The following IFT172 variants were observed in gnomAD, a reference collection of about 807,000 sequenced individuals.
IFT172 encodes intraflagellar transport 172.
IFT172 carries 164 observed loss-of-function variants against 248.9 expected under a neutral mutation model. The ratio of observed to expected loss-of-function variants is 0.66; its 90% CI spans 0.58 to 0.75. The LOEUF is 0.75. Among genes scored for constraint, IFT172 ranks in the 30% least tolerant of loss-of-function variants. The pLI is 0.00. For synonymous variants in IFT172, 729 were observed against 791.6 expected (o/e 0.92, Z 1.33); for missense variants, 1,950 against 2,192.4 (o/e 0.89, Z 2.21).
rs1404950371 is a variant in IFT172 at position 27,461,823 on chromosome 2, T to G, written c.2129A>C (p.Glu710Ala). 1.2e-6 allele frequency: 2 copies of G among 1,614,090 alleles called. No homozygotes were observed. The highest frequency in any genetic ancestry group is 8.5e-7 in the Non-Finnish European group (1 of 1,180,016). The change falls in exon 21 of 48, where the codon GAG (glutamate) becomes GCG (alanine). Residue 710 changes from glutamate (E) to alanine (A), a missense_variant. Transcript: ENST00000260570. ...TAGCTCCTGGTACATGCCCATGGCC[T>G]CCTCCACAGCATTCTAGGGGAAACA... ...MIFLEQNAVE[E>A]AMGMYQELHR...
chr2:27,459,675 C>T, intron 24 of IFT172, 34 bp downstream of exon 24: 1 of 1,610,330 alleles, frequency 6.2e-7, no homozygotes, highest in Middle Eastern at 1.7e-4. Flanking sequence ...TCACTTCACA[C>T]CTAAATCTCC....
intron 16 of IFT172, among the ~76,000 whole-genome samples, chr2:27,467,670 G>A (rs1047908491): frequency 1.4e-5 from 2 of 141,112 alleles, no homozygotes; most frequent in African/African-American, 5.3e-5. Context: ...GGAGCAGGAA[G>A]AAAGAAACTA....
chr2:27,477,612 T>C lies in IFT172; in HGVS notation c.1168A>G (p.Ile390Val), dbSNP rs140989917. The change falls in exon 12 of 48, where the codon ATA becomes GTA. Residue 390 changes from isoleucine to valine, a missense_variant and splice_region_variant. Coordinates refer to ENST00000260570, the MANE Select transcript of IFT172 (RefSeq NM_015662.3). ...TTGCCACCAGATCCTTGCCAGGCTA[T>C]CTGTAACGGGAGAAGACTTAAGAAG... Reference protein sequence around the residue: ...GDLNTNRLSEIAWQGSGGNEK... With the variant: ...GDLNTNRLSEVAWQGSGGNEK... 1.9e-6 allele frequency: 3 copies of C among 1,604,676 alleles called. No individual in the cohort carries two copies. The highest frequency in any genetic ancestry group is 2.6e-6 in the Non-Finnish European group (3 of 1,171,346).
intron 41 of IFT172, 82 bp from the exon 42 acceptor site, chr2:27,447,716 C>T: frequency 6.2e-7 from 1 of 1,609,204 alleles, no homozygotes; most frequent in Non-Finnish European, 8.5e-7. Flanking sequence ...AGCCACCTGG[C>T]AGAGGAAGGT....
chr2:27,449,180 T>C, intron 39 of IFT172, 114 bp downstream of exon 39: 1 of 1,346,378 alleles, frequency 7.4e-7, no homozygotes, highest in African/African-American at 1.4e-5. Context: ...CTGATGCCCA[T>C]TAGAAATCTT....
chr2:27,477,147 G>A, intron 13 of IFT172, 70 bp downstream of exon 13: 1 of 1,341,494 alleles, frequency 7.5e-7, no homozygotes, highest in Non-Finnish European at 1.1e-6. Flanking sequence ...TTAACTGGAG[G>A]ACACAGAATT....
chr2:27,447,440 G>A lies in IFT172; in HGVS notation c.4659+75C>T, dbSNP rs11126999. ...GAGCCCAAGCTGAAGAATCCAGAAC[G>A]TGAATCAATTCAGCTTTATACATTT... On this transcript the variant is annotated intron_variant, in intron 42 of 47. Transcript: ENST00000260570. 0.38 allele frequency: 592,993 copies of A among 1,551,180 alleles called. 116,260 individuals carry two copies. The highest frequency in any genetic ancestry group is 0.51 in the Admixed American group (27,765 of 54,622).
intron 13 of IFT172, 179 bp downstream of exon 13, chr2:27,477,038 T>C: frequency 3.0e-6 from 2 of 658,596 alleles, no homozygotes; most frequent in East Asian, 2.6e-5. Flanking sequence ...TTGCCCAGGC[T>C]GGTCTTGAAC....
intron 8 of IFT172, among the ~76,000 whole-genome samples, chr2:27,480,451 A>G (rs1226919660): frequency 6.6e-6 from 1 of 152,170 alleles, no homozygotes; most frequent in Non-Finnish European, 1.5e-5. Context: ...AAATGGTAGG[A>G]GTCAGTGAAG....
chr2:27,461,236 G>T, intron 22 of IFT172, 33 bp downstream of exon 22: 1 of 1,613,052 alleles, frequency 6.2e-7, no homozygotes, highest in South Asian at 1.1e-5. Flanking sequence ...CTGAGCTCTG[G>T]AGATAAGGGC....
Position 27,485,118 on chromosome 2 carries a change from T to A in IFT172, c.196A>T (p.Ser66Cys), listed in dbSNP as rs777925178. Residue 66 changes from serine to cysteine, a missense_variant, in exon 3 of 48, where the codon AGC becomes TGC. Physicochemically the swap from Ser to Cys is moderately radical, Grantham distance 112 (BLOSUM62 -1). Transcript: ENST00000260570. ...AAAGCCATGCCCTTCACCATATAGC[T>A]CTTCCTGCCATACTAAGAGTTTAAA... ...KPADMKYGRKSYMVKGMAFSP... is the reference protein window; with the variant it reads ...KPADMKYGRKCYMVKGMAFSP... 5.6e-6 allele frequency: 9 copies of A among 1,593,888 alleles called. No individual in the cohort carries two copies. In the South Asian group the frequency reaches 8.9e-5, roughly 16 times the overall value.
intron 43 of IFT172, 66 bp from the exon 44 acceptor site, chr2:27,446,054 C>G (rs1163863186): frequency 6.3e-7 from 1 of 1,587,884 alleles, no homozygotes; most frequent in Non-Finnish European, 8.6e-7. Flanking sequence ...TCTCTGGGAT[C>G]CAGATGCAAA....
chr2:27,486,824 G>A (rs1405876387), intron 1 of IFT172, among the ~76,000 whole-genome samples: 1 of 152,124 alleles, frequency 6.6e-6, no homozygotes, highest in African/African-American at 2.4e-5. Flanking sequence ...TTTCCATTAG[G>A]GCGGAGAAAT....
At chr2:27,453,538 T>C in intron 34 of IFT172, 25 bp from the exon 35 acceptor site, 1 of 1,612,412 alleles carries the variant, frequency 6.2e-7, no homozygotes, top group Non-Finnish European at 8.5e-7. Context: ...GCGCTGGGAC[T>C]TGGCATGGTA....
Position 27,480,059 on chromosome 2 carries a change from CA to C in IFT172, c.875del (p.Leu292TrpfsTer37), listed in dbSNP as rs1478841179. 22 of 1,613,782 alleles carry C rather than the reference CA, an allele frequency of 1.4e-5. No homozygotes were observed. The highest frequency in any genetic ancestry group is 1.5e-5 in the Non-Finnish European group (18 of 1,179,880). On this transcript the variant is annotated frameshift_variant, in exon 9 of 48. Transcript: ENST00000260570. LOFTEE classifies it high-confidence loss of function. ...EITNLYTITA[L>X]AWKRDGSRLC... The stretch of plus-strand genomic sequence containing the variant: ...GCCGTGAGCCATCCCGCTTCCAGGC[CA>C]AGGCAGTGATGGTGTATAAATTGGT...
intron 16 of IFT172, among the ~76,000 whole-genome samples, chr2:27,467,568 C>T (rs1294319113): frequency 7.4e-6 from 1 of 135,140 alleles, no homozygotes; most frequent in Non-Finnish European, 1.5e-5. Flanking sequence ...GCCAAGATCA[C>T]GCCACTGCAC....
At chr2:27,446,093 T>C in intron 43 of IFT172, 105 bp from the exon 44 acceptor site, 4 of 1,462,388 alleles carry the variant, frequency 2.7e-6, no homozygotes, top group Admixed American at 1.7e-5. Flanking sequence ...GCTTGAATGC[T>C]ATTTCTCTGG....
intron 1 of IFT172, among the ~76,000 whole-genome samples, 154 bp from the exon 2 acceptor site, chr2:27,485,657 C>G (rs1668714219): frequency 6.6e-6 from 1 of 152,198 alleles, no homozygotes; most frequent in Non-Finnish European, 1.5e-5. Flanking sequence ...CCATGCTGGT[C>G]TCCAAGGCCT....
intron 9 of IFT172, 68 bp from the exon 10 acceptor site, chr2:27,479,672 G>C: frequency 9.7e-7 from 1 of 1,030,846 alleles, no homozygotes; most frequent in Non-Finnish European, 1.5e-6. Context: ...AGTATCTAGA[G>C]ACATCCTCAA....
Sources: allele counts gnomAD v4.1 joint callset (sites outside exome capture counted in the v4.1 genomes callset), GRCh38; gene constraint gnomAD v4.1.1; transcripts MANE v1.5; gene names NCBI Gene and HGNC (gene_info 2026-07-23, HGNC 2026-07-21).